DAB1: variants seen among roughly 807,000 people sequenced by gnomAD.
DAB1 encodes DAB adaptor protein 1, also known as disabled homolog 1.
DAB1 carries 15 observed loss-of-function variants against 64.6 expected under a neutral mutation model. The ratio of observed to expected loss-of-function variants is 0.23; its 90% confidence interval spans 0.16 to 0.36. DAB1 has a LOEUF of 0.36. Among genes scored for constraint, DAB1 ranks in the 10% least tolerant of loss-of-function variants. The pLI is 1.00. For missense variants in DAB1, 596 were observed against 706.7 expected, an observed-to-expected ratio of 0.84 and a Z score of 1.78; for synonymous variants, 235 against 251.9, an observed-to-expected ratio of 0.93 and a Z score of 0.64.
chr1:58,289,654 A>G (rs952615246), intron 4 of DAB1, among the ~76,000 whole-genome samples: 5 of 152,196 alleles, frequency 3.3e-5, no homozygotes, highest in Non-Finnish European at 5.9e-5. Context: ...TTCCCAGTGA[A>G]TATTAAATAG....
intron 3 of DAB1, among the ~76,000 whole-genome samples, chr1:58,401,274 G>A (rs1005967121): frequency 6.6e-6 from 1 of 152,120 alleles, no homozygotes; most frequent in South Asian, 2.1e-4. Flanking sequence ...AACTGACCTC[G>A]TCTTCTGCTC....
intron 2 of DAB1, among the ~76,000 whole-genome samples, chr1:58,512,307 A>C (rs1449519779): frequency 6.6e-6 from 1 of 152,218 alleles, no homozygotes; most frequent in African/African-American, 2.4e-5. Context: ...CAGTGAGAAC[A>C]TAAAATGGTG....
At chr1:58,428,600 G>T (rs1287993250) in intron 3 of DAB1, among the ~76,000 whole-genome samples, 1 of 152,104 alleles carries the variant, frequency 6.6e-6, no homozygotes, top group Non-Finnish European at 1.5e-5. Flanking sequence ...CATTTTATTA[G>T]GTGTGATAAT....
chr1:58,125,987 G>A (rs1457287515), intron 5 of DAB1, among the ~76,000 whole-genome samples: 1 of 152,106 alleles, frequency 6.6e-6, no homozygotes, highest in Non-Finnish European at 1.5e-5. Context: ...TACCACGGAG[G>A]AGCCAGGGGA....
chr1:58,133,990 T>A (rs538215283), intron 5 of DAB1, among the ~76,000 whole-genome samples: 210 of 152,212 alleles, frequency 1.4e-3, no homozygotes, highest in Non-Finnish European at 2.5e-3. Context: ...AACCTTGGAG[T>A]TTTGATTATA....
chr1:57,690,154 T>A lies in DAB1; in HGVS notation n.552-40489A>T, dbSNP rs191639822. Among the ~76,000 whole-genome samples the A allele has an allele frequency of 2.8e-3, 421 of 152,310 alleles. 1 individual carries two copies. Among genetic ancestry groups the A allele is most frequent in the Non-Finnish European group, 4.9e-3 (333 of 68,032 alleles). ...TACCCATATTTTCTTTATTCATTTA[T>A]CTGTTGATGGACACTTAGGTTGCTT... is the stretch of plus-strand genomic sequence containing the variant. On this transcript the variant is annotated intron_variant and non_coding_transcript_variant, in intron 6 of 20. Transcript: ENST00000485760.
chr1:57,970,553 C>T lies in DAB1; in HGVS notation n.388-86391G>A, dbSNP rs565561420. ...AGGAAAACTGCCATTGATGGGGACC[C>T]GCCACTTTTGGAGATAATTTCAGCT... On this transcript the variant is annotated intron_variant and non_coding_transcript_variant, in intron 5 of 20. Coordinates refer to the DAB1 transcript ENST00000485760. Among the ~76,000 whole-genome samples, 10 of 152,176 alleles carry T rather than the reference C, an allele frequency of 6.6e-5. No individual in the cohort carries two copies. In the South Asian group the frequency reaches 8.3e-4, roughly 13 times the overall value.
chr1:57,518,498 G>A (rs1237732611), intron 7 of DAB1, among the ~76,000 whole-genome samples: 1 of 152,080 alleles, frequency 6.6e-6, no homozygotes, highest in Non-Finnish European at 1.5e-5. Context: ...ACATTATTCC[G>A]TGTTTTAAAA....
At chr1:57,828,261 T>C (rs578013849) in intron 1 of DAB1, among the ~76,000 whole-genome samples, 2 of 152,328 alleles carry the variant, frequency 1.3e-5, no homozygotes, top group East Asian at 1.9e-4. Flanking sequence ...CCCCATCTTA[T>C]AGAGGAGAAA....
chr1:58,301,211 A>G (rs1662161040), intron 4 of DAB1, among the ~76,000 whole-genome samples: 1 of 136,446 alleles, frequency 7.3e-6, no homozygotes, highest in Admixed American at 7.3e-5. Context: ...GACTAACAGA[A>G]GAGCAGATAT....
downstream of DAB1, among the ~76,000 whole-genome samples, chr1:57,825,535 A>G (rs1652307327): frequency 6.6e-6 from 1 of 152,180 alleles, no homozygotes; most frequent in South Asian, 2.1e-4. Flanking sequence ...CACAGGTGTT[A>G]AGGGCAGGAG....
At chr1:57,890,754 T>A (rs1644299699) in intron 5 of DAB1, among the ~76,000 whole-genome samples, 1 of 152,166 alleles carries the variant, frequency 6.6e-6, no homozygotes, top group African/African-American at 2.4e-5. Flanking sequence ...TTTCTGTTTT[T>A]TCACCTAAAA....
At chr1:57,339,841 T>C (rs1311222907) in intron 1 of DAB1, among the ~76,000 whole-genome samples, 2 of 152,222 alleles carry the variant, frequency 1.3e-5, no homozygotes, top group African/African-American at 4.8e-5. Context: ...ACTGAAAACT[T>C]AAGCATCAAC....
At chr1:57,798,972 A>T (rs766149793) in intron 6 of DAB1, among the ~76,000 whole-genome samples, 8 of 152,224 alleles carry the variant, frequency 5.3e-5, no homozygotes, top group Non-Finnish European at 1.0e-4. Context: ...CTGTCATGCA[A>T]GAAAATATTC....
At chr1:58,306,612 G>C (rs1662313887) in intron 4 of DAB1, among the ~76,000 whole-genome samples, 1 of 152,122 alleles carries the variant, frequency 6.6e-6, no homozygotes, top group African/African-American at 2.4e-5. Context: ...CTTGGCTGCA[G>C]AATTGGGAGG....
At chr1:58,333,737 T>C (rs1663030536) in intron 4 of DAB1, among the ~76,000 whole-genome samples, 1 of 152,228 alleles carries the variant, frequency 6.6e-6, no homozygotes, top group African/African-American at 2.4e-5. Flanking sequence ...TCAGTTTCCT[T>C]GGTATCTAAC....
intron 4 of DAB1, among the ~76,000 whole-genome samples, chr1:58,286,330 T>G (rs1191729943): frequency 6.6e-6 from 1 of 152,138 alleles, no homozygotes; most frequent in East Asian, 1.9e-4. Flanking sequence ...CTAATTAAAC[T>G]AAAGAGCTTC....
At chr1:57,013,554 A>G (rs971580217) in intron 12 of DAB1, among the ~76,000 whole-genome samples, 17 of 152,226 alleles carry the variant, frequency 1.1e-4, no homozygotes, top group Admixed American at 2.6e-4. Flanking sequence ...CGTTAAGGGC[A>G]TTCATTTTCA....
chr1:57,458,091 G>A (rs1686662636), intron 7 of DAB1, among the ~76,000 whole-genome samples: 1 of 152,062 alleles, frequency 6.6e-6, no homozygotes, highest in South Asian at 2.1e-4. Flanking sequence ...TGGTGTTTGT[G>A]TGTGTGCTCC....
Sources: gnomAD v4.1 joint callset for allele counts (sites outside exome capture counted in the v4.1 genomes callset) on GRCh38, gnomAD v4.1.1 for gene constraint, MANE v1.5 for transcripts, NCBI Gene and HGNC (gene_info 2026-07-23, HGNC 2026-07-21) for gene names.